Variants in GADL1 observed in about 807,000 individuals in gnomAD.
The protein encoded by GADL1 is acidic amino acid decarboxylase GADL1.
In GADL1, 71 loss-of-function variants were observed where a neutral mutation model predicts 69.5. The ratio of observed to expected loss-of-function variants is 1.02; its 90% confidence interval spans 0.84 to 1.25. GADL1 has a LOEUF of 1.25. GADL1 is among the 50% of genes most tolerant of loss of function. The pLI, the probability that GADL1 is intolerant of heterozygous loss-of-function variation, is 0.00. For missense variants in GADL1, 737 were observed against 631.8 expected, an observed-to-expected ratio of 1.17 and a Z score of -1.79; for synonymous variants, 254 against 214.4, an observed-to-expected ratio of 1.18 and a Z score of -1.62.
chr3:30,855,511 A>G (rs574840944), intron 3 of GADL1, among the ~76,000 whole-genome samples: 95 of 152,204 alleles, frequency 6.2e-4, no homozygotes, highest in African/African-American at 1.9e-3. Context: ...ATGGAGTAAG[A>G]TGTGACTCAC....
At chr3:30,731,038 G>A (rs1393034584) in intron 14 of GADL1, among the ~76,000 whole-genome samples, 2 of 152,200 alleles carry the variant, frequency 1.3e-5, no homozygotes, top group Non-Finnish European at 2.9e-5. Flanking sequence ...CAAAGAACAA[G>A]TGGCTTTCTG....
At chr3:30,867,445 T>C (rs1226228586) in intron 1 of GADL1, among the ~76,000 whole-genome samples, 4 of 145,014 alleles carry the variant, frequency 2.8e-5, no homozygotes, top group South Asian at 2.1e-4. Flanking sequence ...TATATACACA[T>C]ATATGTATAT....
At position 30,818,621 on chromosome 3, in the gene GADL1, ATTATAAAT is replaced by A. The variant is rs1279542192; in HGVS notation, c.1050+15224_1050+15231del. Reference sequence around the variant, plus strand: ...CTCATTAAATTTGAATTTCAAGCACATTATAAATTTATAAAAGCCATTAATATAAGTAT... The same window carrying A: ...CTCATTAAATTTGAATTTCAAGCACATTATAAAAGCCATTAATATAAGTAT... On this transcript the variant is annotated intron_variant, in intron 11 of 14. Transcript: ENST00000282538. Among the ~76,000 whole-genome samples, 18 of 152,324 alleles carry A rather than the reference ATTATAAAT, an allele frequency of 1.2e-4. 1 individual carries two copies. The highest frequency in any genetic ancestry group is 3.6e-4 in the African/African-American group (15 of 41,590).
At position 30,756,302 on chromosome 3, in the gene GADL1, TAAG is replaced by T. The variant is rs10567004; in HGVS notation, c.1392+21874_1392+21876del. ...AGTTTCCTCCTACATAAGATGAGAA[TAAG>T]AAGGAAATTGACTATCTAGGATTCG... On this transcript the variant is annotated intron_variant, in intron 14 of 14. Coordinates refer to ENST00000282538, the MANE Select transcript of GADL1 (RefSeq NM_207359.3). Among the ~76,000 whole-genome samples, 1,343 of 152,242 alleles carry T rather than the reference TAAG, an allele frequency of 8.8e-3. 19 individuals are homozygous for T. Among genetic ancestry groups the T allele is most frequent in the African/African-American group, 0.031 (1,270 of 41,548 alleles).
intron 14 of GADL1, among the ~76,000 whole-genome samples, chr3:30,771,697 A>G (rs986859115): frequency 6.6e-6 from 1 of 152,222 alleles, no homozygotes; most frequent in African/African-American, 2.4e-5. Context: ...GCACCTTTAA[A>G]GACACAGGTG....
intron 1 of GADL1, among the ~76,000 whole-genome samples, chr3:30,885,538 TACAG>T (rs1698691938): frequency 6.6e-6 from 1 of 151,926 alleles, no homozygotes; most frequent in Non-Finnish European, 1.5e-5. Context: ...TTACAGAAAA[TACAG>T]ACAAGCGAAT....
chr3:30,890,854 C>T (rs989088027), intron 1 of GADL1, among the ~76,000 whole-genome samples: 1 of 152,162 alleles, frequency 6.6e-6, no homozygotes, highest in African/African-American at 2.4e-5. Flanking sequence ...CATAATAAGT[C>T]TATAACCTAC....
intron 14 of GADL1, among the ~76,000 whole-genome samples, chr3:30,749,650 A>G (rs904390797): frequency 1.1e-4 from 17 of 152,174 alleles, no homozygotes; most frequent in Admixed American, 1.0e-3. Flanking sequence ...GGTCCTTGAA[A>G]TAATAGAGAA....
At chr3:30,851,646 C>A (rs115800142) in intron 4 of GADL1, among the ~76,000 whole-genome samples, 1,727 of 142,100 alleles carry the variant, frequency 0.012, 34 homozygotes, top group African/African-American at 0.048. Flanking sequence ...TGGTCTACAC[C>A]TGATAACTGC....
At chr3:30,842,229 T>C (rs1354441340) in intron 8 of GADL1, among the ~76,000 whole-genome samples, 1 of 152,156 alleles carries the variant, frequency 6.6e-6, no homozygotes, top group Non-Finnish European at 1.5e-5. Flanking sequence ...ACACTGAAGA[T>C]TTGATATTAA....
At chr3:30,753,094 G>C (rs879481845) in intron 14 of GADL1, among the ~76,000 whole-genome samples, 8 of 152,114 alleles carry the variant, frequency 5.3e-5, no homozygotes, top group Non-Finnish European at 8.8e-5. Context: ...CAATAAATAA[G>C]TGCAGTGTCT....
chr3:30,796,718 G>GA (rs1391148762), intron 12 of GADL1, among the ~76,000 whole-genome samples: 2 of 152,118 alleles, frequency 1.3e-5, no homozygotes, highest in African/African-American at 4.8e-5. Flanking sequence ...TGATACTGTT[G>GA]AAGCACCTAG....
chr3:30,810,269 C>T (rs890662714), intron 11 of GADL1, among the ~76,000 whole-genome samples: 21 of 152,272 alleles, frequency 1.4e-4, no homozygotes, highest in African/African-American at 4.8e-4. Flanking sequence ...GATTTCCTCT[C>T]GCTTCAGTTA....
intron 11 of GADL1, among the ~76,000 whole-genome samples, chr3:30,804,380 G>A (rs1432833549): frequency 2.0e-5 from 3 of 152,172 alleles, no homozygotes; most frequent in Non-Finnish European, 4.4e-5. Context: ...TGCTGGTGGT[G>A]CTACTAACAA....
chr3:30,787,213 AAT>A (rs1696813336), intron 12 of GADL1, among the ~76,000 whole-genome samples: 1 of 142,888 alleles, frequency 7.0e-6, no homozygotes, highest in African/African-American at 2.4e-5. Flanking sequence ...AAATTACCTG[AAT>A]ATGAGGGGAA....
chr3:30,848,198 A>C (rs1047124688), intron 6 of GADL1, among the ~76,000 whole-genome samples: 1 of 152,164 alleles, frequency 6.6e-6, no homozygotes, highest in South Asian at 2.1e-4. Context: ...AGCTGTCCAC[A>C]TTACCAAACA....
At chr3:30,881,623 C>G (rs1005804057) in intron 1 of GADL1, among the ~76,000 whole-genome samples, 2 of 151,950 alleles carry the variant, frequency 1.3e-5, no homozygotes, top group Non-Finnish European at 1.5e-5. Flanking sequence ...AATGAAGGGA[C>G]AAACAACTGG....
At chr3:30,825,282 A>AT (rs1347403470) in intron 11 of GADL1, among the ~76,000 whole-genome samples, 1 of 151,974 alleles carries the variant, frequency 6.6e-6, no homozygotes, top group Non-Finnish European at 1.5e-5. Context: ...CCAAATCATT[A>AT]TTTATTATAT....
intron 14 of GADL1, among the ~76,000 whole-genome samples, chr3:30,732,554 A>T (rs771147434): frequency 1.1e-4 from 17 of 152,150 alleles, no homozygotes; most frequent in Non-Finnish European, 1.9e-4. Context: ...ACCAAATAGG[A>T]TTTGATATTT....
Sources: gnomAD v4.1 joint callset for allele counts (sites outside exome capture counted in the v4.1 genomes callset) on GRCh38, gnomAD v4.1.1 for gene constraint, MANE v1.5 for transcripts, NCBI Gene and HGNC (gene_info 2026-07-23, HGNC 2026-07-21) for gene names.